Variants in SLC8A1 observed in about 807,000 individuals in gnomAD.
SLC8A1 encodes the protein sodium/calcium exchanger 1.
In SLC8A1, 18 loss-of-function variants were observed where a neutral mutation model predicts 68.3. That is an observed-to-expected ratio of 0.26 (90% confidence interval 0.18 to 0.39). The LOEUF (loss-of-function observed/expected upper bound fraction) is 0.39. Among genes scored for constraint, SLC8A1 ranks in the 10% least tolerant of loss-of-function variants. SLC8A1 has a pLI of 1.00. For synonymous variants in SLC8A1, 475 were observed against 415.5 expected (o/e 1.14, Z -1.74); for missense variants, 985 against 1,156.7 (o/e 0.85, Z 2.15).
chr2:40,172,611 G>T lies in SLC8A1; in HGVS notation c.1930+2214C>A, dbSNP rs545075294. 9.9e-5 allele frequency among the ~76,000 whole-genome samples: 15 copies of T among 152,204 alleles called. No homozygotes were observed. In the South Asian group the frequency reaches 2.9e-3, roughly 29 times the overall value. On this transcript the variant is annotated intron_variant, in intron 4 of 7. Transcript: ENST00000406785. Reference sequence around the variant, plus strand: ...GATCCCATTACCTGAGATATTAAAAGGGAGGACAGTTCAAATGACATAGAA... The same window carrying T: ...GATCCCATTACCTGAGATATTAAAATGGAGGACAGTTCAAATGACATAGAA...
At chr2:40,369,287 T>G (rs75030420) in intron 2 of SLC8A1, among the ~76,000 whole-genome samples, 1,834 of 152,080 alleles carry the variant, frequency 0.012, 44 homozygotes, top group African/African-American at 0.042. Flanking sequence ...CAAACTATTA[T>G]TGCATTTCTT....
In SLC8A1 at chr2:40,487,499, TA is replaced by T. The variant is rs1425888030; in HGVS notation, c.-25+24849del. Among the ~76,000 whole-genome samples, 5 of 152,276 alleles carry T rather than the reference TA, an allele frequency of 3.3e-5. No individual in the cohort carries two copies. In the South Asian group the frequency reaches 6.2e-4, roughly 19 times the overall value. ...GTCTCAGAGCTCTTAACTGTCTTCT[TA>T]AAAACTGCTTTTGTGAAAGCAATTT... is the stretch of plus-strand genomic sequence containing the variant. On this transcript the variant is annotated intron_variant, in intron 1 of 7. Transcript: ENST00000402441.
intron 2 of SLC8A1, among the ~76,000 whole-genome samples, chr2:40,236,161 C>G (rs1574481213): frequency 1.3e-5 from 2 of 151,766 alleles, no homozygotes; most frequent in African/African-American, 2.4e-5. Context: ...TCCTTGTTGA[C>G]TTTCTGTCTT....
At chr2:40,183,066 C>A (rs1008479439) in intron 2 of SLC8A1, among the ~76,000 whole-genome samples, 5 of 152,310 alleles carry the variant, frequency 3.3e-5, no homozygotes, top group Admixed American at 3.3e-4. Context: ...ATGATAGGCT[C>A]TTTGCATTTC....
intron 2 of SLC8A1, among the ~76,000 whole-genome samples, chr2:40,375,987 C>A (rs1398263070): frequency 3.3e-5 from 5 of 151,972 alleles, no homozygotes; most frequent in African/African-American, 7.2e-5. Context: ...GGTGACAGAG[C>A]AAGACCCTGT....
At chr2:40,470,708 C>T (rs1440421668) in intron 1 of SLC8A1, among the ~76,000 whole-genome samples, 2 of 151,944 alleles carry the variant, frequency 1.3e-5, no homozygotes, top group Admixed American at 6.5e-5. Flanking sequence ...GTGTGTTTGT[C>T]AACTTCTGGA....
At chr2:40,221,193 G>C (rs1344501853) in intron 2 of SLC8A1, among the ~76,000 whole-genome samples, 1 of 151,864 alleles carries the variant, frequency 6.6e-6, no homozygotes, top group Non-Finnish European at 1.5e-5. Context: ...ATGATCAAGT[G>C]AGCTTCATCC....
In SLC8A1 at chr2:40,134,600, G is replaced by C. The variant is rs75286648; in HGVS notation, c.2437+4801C>G. 3.7e-3 allele frequency among the ~76,000 whole-genome samples: 558 copies of C among 152,278 alleles called. 27 individuals carry two copies. The East Asian group carries it at 0.092, about 25-fold the overall frequency. ...CCTTCTTACTACAATAACCGTCTCAGATATGTCCTATTCAAGAATAAGCAA... is the reference window on the plus strand; with the variant it reads ...CCTTCTTACTACAATAACCGTCTCACATATGTCCTATTCAAGAATAAGCAA... On this transcript the variant is annotated intron_variant, in intron 7 of 7. Transcript: ENST00000406785.
chr2:40,375,242 G>C (rs1482201404), intron 2 of SLC8A1, among the ~76,000 whole-genome samples: 1 of 151,966 alleles, frequency 6.6e-6, no homozygotes, highest in Non-Finnish European at 1.5e-5. Context: ...CCTAAGAACA[G>C]CATAAACACA....
intron 1 of SLC8A1, among the ~76,000 whole-genome samples, chr2:40,482,533 C>A (rs1349712127): frequency 1.3e-5 from 2 of 152,006 alleles, no homozygotes; most frequent in Non-Finnish European, 2.9e-5. Flanking sequence ...TGCTGAGTAC[C>A]ACCGATGACA....
chr2:40,398,483 G>C (rs575009830), intron 2 of SLC8A1, among the ~76,000 whole-genome samples: 1 of 152,264 alleles, frequency 6.6e-6, no homozygotes, highest in South Asian at 2.1e-4. Flanking sequence ...ATAAAAAGCA[G>C]AATATGTGGA....
At chr2:40,469,626 A>T (rs1703894003) in intron 1 of SLC8A1, among the ~76,000 whole-genome samples, 1 of 152,114 alleles carries the variant, frequency 6.6e-6, no homozygotes. Flanking sequence ...ATGTTTGAGG[A>T]AATCAAGTTT....
intron 2 of SLC8A1, among the ~76,000 whole-genome samples, chr2:40,202,078 A>G (rs1037050197): frequency 4.6e-5 from 7 of 151,998 alleles, no homozygotes; most frequent in Non-Finnish European, 8.8e-5. Context: ...TTGCTATACT[A>G]TCCTTAGAGG....
At chr2:40,379,544 C>T (rs188358365) in intron 2 of SLC8A1, among the ~76,000 whole-genome samples, 21 of 152,154 alleles carry the variant, frequency 1.4e-4, no homozygotes, top group African/African-American at 3.4e-4. Context: ...GTCACCTAAC[C>T]GAAGTCGCCC....
rs568400696 is a variant in SLC8A1, at chr2:40,490,812, G to A, written c.-25+21537C>T. On this transcript the variant is annotated intron_variant, in intron 1 of 7. Transcript: ENST00000402441. ...ATAAAGTGCAGTGAAGTTTTATAAT[G>A]ACTGAAATCCAGTTGGAACATACGG... Among the ~76,000 whole-genome samples the A allele has an allele frequency of 9.2e-5, 14 of 152,202 alleles. No homozygotes were observed. In the South Asian group the frequency reaches 2.9e-3, roughly 32 times the overall value.
chr2:40,298,364 ATTT>A (rs889487514), intron 2 of SLC8A1, among the ~76,000 whole-genome samples: 1 of 152,122 alleles, frequency 6.6e-6, no homozygotes, highest in Non-Finnish European at 1.5e-5. Flanking sequence ...CCCTAAATGG[ATTT>A]GGTTATAGAA....
At chr2:40,453,489 G>A (rs1174200297), upstream of SLC8A1, 1 of 152,190 alleles carries the variant, frequency 6.6e-6, no homozygotes, top group Non-Finnish European at 1.5e-5. Context: ...AGAGGGGGCG[G>A]AATGGAAGAA....
chr2:40,198,980 C>A (rs377716472), intron 2 of SLC8A1, among the ~76,000 whole-genome samples: 1 of 150,894 alleles, frequency 6.6e-6, no homozygotes, highest in Non-Finnish European at 1.5e-5. Context: ...CTCTAGGGAC[C>A]ATAACATGAA....
At chr2:40,272,885 G>T (rs1346299701) in intron 2 of SLC8A1, among the ~76,000 whole-genome samples, 4 of 152,316 alleles carry the variant, frequency 2.6e-5, no homozygotes, top group Non-Finnish European at 4.4e-5. Context: ...TACATGACAA[G>T]ATGTCTTATG....
Sources: allele counts gnomAD v4.1 joint callset (sites outside exome capture counted in the v4.1 genomes callset), GRCh38; gene constraint gnomAD v4.1.1; transcripts MANE v1.5; gene names NCBI Gene and HGNC (gene_info 2026-07-23, HGNC 2026-07-21).